COL27A1: variants seen among roughly 807,000 people sequenced by gnomAD.
The protein encoded by COL27A1 is collagen alpha-1(XXVII) chain.
Under a neutral mutation model 251.3 loss-of-function variants are expected in COL27A1, and 106 were observed. The observed-to-expected ratio is 0.42, with a 90% CI of 0.36 to 0.50. The LOEUF (loss-of-function observed/expected upper bound fraction) is 0.50, where lower values mean the gene tolerates loss of function less well. COL27A1 is among the 20% of genes least tolerant of loss of function. COL27A1 has a pLI of 0.00. For missense variants in COL27A1, 2,325 were observed against 2,522.8 expected, an observed-to-expected ratio of 0.92 and a Z score of 1.68; for synonymous variants, 1,000 against 986.3, an observed-to-expected ratio of 1.01 and a Z score of -0.26.
intron 14 of COL27A1, among the ~76,000 whole-genome samples, chr9:114,225,985 G>A (rs1831445316): frequency 6.6e-6 from 1 of 152,126 alleles, no homozygotes; most frequent in Admixed American, 6.5e-5. Context: ...CAATTCCAGT[G>A]AGCCACCGGT....
At chr9:114,241,024 T>G (rs922687768) in intron 21 of COL27A1, among the ~76,000 whole-genome samples, 1 of 152,102 alleles carries the variant, frequency 6.6e-6, no homozygotes, top group Non-Finnish European at 1.5e-5. Flanking sequence ...TTCCTGGGAG[T>G]GGCCTAGGGG....
intron 7 of COL27A1, among the ~76,000 whole-genome samples, chr9:114,197,667 G>A (rs1205220796): frequency 6.6e-6 from 1 of 152,172 alleles, no homozygotes; most frequent in African/African-American, 2.4e-5. Context: ...GCAGATGTCC[G>A]GGGAGGCCAA....
chr9:114,283,045 G>A (rs1273343071), intron 39 of COL27A1, among the ~76,000 whole-genome samples: 1 of 152,226 alleles, frequency 6.6e-6, no homozygotes, highest in Non-Finnish European at 1.5e-5. Context: ...ATACCTCCAG[G>A]AGATGAAGAC....
Position 114,306,538 on chromosome 9 carries a change from C to T in COL27A1, c.4957C>T (p.Arg1653Trp), listed in dbSNP as rs201056783. 3.3e-5 allele frequency: 54 copies of T among 1,614,006 alleles called. No individual in the cohort carries two copies. Among genetic ancestry groups the T allele is most frequent in the East Asian group, 2.0e-4 (9 of 44,870 alleles). ...GTGACAGAGTTACAGCTATCCAGAC[C>T]GGCTGGTGCTGGACCAGGGAGGAGA... ...LRPESYSYPD[R>W]LVLDQGGEIF... The change falls in exon 58 of 61, where the codon CGG becomes TGG. Residue 1653 changes from arginine (R) to tryptophan (W), a missense_variant. Physicochemically the swap from Arg to Trp is moderately radical, Grantham distance 101 (BLOSUM62 -3). This residue lies in a region of COL27A1 where 327 missense variants were observed against 442.8 expected (regional missense o/e 0.74). Transcript: ENST00000356083.
At position 114,169,073 on chromosome 9, in the gene COL27A1, G is replaced by T; in HGVS notation, c.1518G>T (p.Thr506=). 6.2e-7 allele frequency: 1 copy of T among 1,613,976 alleles called. No homozygotes were observed. The highest frequency in any genetic ancestry group is 1.6e-4 in the Middle Eastern group (1 of 6,062). ...CCAGGAGTACTCGGCCACCAGCCAC[G>T]ATGGTACCTCCAACTTCGGGCACCA... is the stretch of plus-strand genomic sequence containing the variant. ...GSTRSTRPPA[T]MVPPTSGTST... The change falls in exon 3 of 61, where the codon ACG becomes ACT. Residue 506 remains threonine, a synonymous_variant. Coordinates refer to ENST00000356083, the MANE Select transcript of COL27A1 (RefSeq NM_032888.4).
At chr9:114,190,270 A>G (rs999448429) in intron 5 of COL27A1, among the ~76,000 whole-genome samples, 4 of 152,166 alleles carry the variant, frequency 2.6e-5, no homozygotes, top group African/African-American at 9.7e-5. Flanking sequence ...CTCAATATTT[A>G]TTCATTTATT....
chr9:114,288,574 A>C, intron 42 of COL27A1, 63 bp downstream of exon 42: 1 of 1,558,694 alleles, frequency 6.4e-7, no homozygotes, highest in Non-Finnish European at 8.7e-7. Flanking sequence ...CTCCCGCTGC[A>C]TGGAGAGGGG....
At position 114,168,355 on chromosome 9, in the gene COL27A1, T is replaced by G; in HGVS notation, c.800T>G (p.Leu267Arg). Residue 267 changes from leucine to arginine, a missense_variant, in exon 3 of 61, where the codon CTA becomes CGA. By Grantham distance (102) the Leu-to-Arg change is moderately radical. Transcript: ENST00000356083. ...ACCTTCCAGTCCGACCTCGCCCTGC[T>G]AGGCCTGGAGAACTTGACCACTGCC... ...PFTFQSDLAL[L>R]GLENLTTATP... The G allele has an allele frequency of 6.2e-7, 1 of 1,613,278 alleles. No homozygotes were observed. The highest frequency in any genetic ancestry group is 8.5e-7 in the Non-Finnish European group (1 of 1,179,966).
At position 114,290,776 on chromosome 9, in the gene COL27A1, A is replaced by C. The variant is rs1827858250; in HGVS notation, c.4369-34A>C. 4.7e-6 allele frequency: 7 copies of C among 1,486,038 alleles called. No individual in the cohort carries two copies. Among genetic ancestry groups the C allele is most frequent in the South Asian group, 1.3e-5 (1 of 79,900 alleles). 92.1% of individuals were successfully genotyped at this position (1,486,038 alleles called of 1,614,324 possible). ...TGCTTCCTTGGCTGTATCGTGAAAC[A>C]CAAGAGACCCTCCTCTGCCTGCTTT... On this transcript the variant is annotated intron_variant, in intron 47 of 60. Coordinates refer to ENST00000356083, the MANE Select transcript of COL27A1 (RefSeq NM_032888.4). This position sits in a 1 kb window ranked among gnomAD's most constrained non-coding sequence, Gnocchi z 4.6.
intron 58 of COL27A1, chr9:114,307,078 C>T (rs1829104808): frequency 4.9e-6 from 1 of 204,570 alleles, no homozygotes; most frequent in Non-Finnish European, 9.9e-6. Context: ...GACCTGAGTT[C>T]CAATGTCAGT....
chr9:114,154,627 A>G (rs890866730), upstream of COL27A1, among the ~76,000 whole-genome samples: 7 of 152,130 alleles, frequency 4.6e-5, no homozygotes, highest in Non-Finnish European at 7.4e-5. This position sits in a 1 kb window ranked among gnomAD's most constrained non-coding sequence, Gnocchi z 5.8. Context: ...ATCCGTGTGC[A>G]TGCTTCTGCG....
intron 7 of COL27A1, among the ~76,000 whole-genome samples, chr9:114,199,669 C>A (rs996694174): frequency 1.3e-5 from 2 of 152,210 alleles, no homozygotes; most frequent in Non-Finnish European, 2.9e-5. Flanking sequence ...CACTTCCTGA[C>A]CATTTGGCCT....
intron 7 of COL27A1, among the ~76,000 whole-genome samples, chr9:114,204,819 G>T (rs866292299): frequency 1.1e-4 from 16 of 152,164 alleles, no homozygotes; most frequent in Admixed American, 9.2e-4. Flanking sequence ...CTTGGTCACA[G>T]TTGCTCTGTC....
At chr9:114,258,783 C>CCAACCCATTTCT (rs1834120631) in intron 28 of COL27A1, among the ~76,000 whole-genome samples, 189 bp downstream of exon 28, 1 of 152,230 alleles carries the variant, frequency 6.6e-6, no homozygotes, top group Non-Finnish European at 1.5e-5. Context: ...ACCCCTCTTT[C>CCAACCCATTTCT]CAACTCATTT....
intron 7 of COL27A1, among the ~76,000 whole-genome samples, chr9:114,200,621 G>A (rs1024624534): frequency 3.9e-5 from 6 of 152,248 alleles, no homozygotes; most frequent in African/African-American, 1.4e-4. Context: ...GATGGACTGT[G>A]CTTTTTGACT....
rs768655231 is a variant in COL27A1, at chr9:114,250,720, T to C, written c.3033+52T>C. The C allele has an allele frequency of 1.6e-5, 25 of 1,565,988 alleles. No homozygotes were observed. The South Asian group carries it at 2.7e-4, about 17-fold the overall frequency. ...AACAATTAGAGCTTGTGTTTTGAAA[T>C]TGTAAAAAGGTGAAGAGGCCCTTTG... On this transcript the variant is annotated intron_variant, in intron 25 of 60. Transcript: ENST00000356083.
intron 12 of COL27A1, chr9:114,217,766 C>T: frequency 2.1e-6 from 1 of 470,800 alleles, no homozygotes; most frequent in Non-Finnish European, 4.4e-6. Flanking sequence ...TCCTCTCCTA[C>T]CAGGTCCTTC....
In COL27A1 at chr9:114,282,307, G is replaced by A. The variant is rs779815260; in HGVS notation, c.3748G>A (p.Glu1250Lys). The A allele has an allele frequency of 2.9e-5, 46 of 1,613,898 alleles. No homozygotes were observed. The highest frequency in any genetic ancestry group is 1.6e-4 in the Middle Eastern group (1 of 6,084). The change falls in exon 38 of 61, where the codon GAG becomes AAG. Residue 1250 changes from glutamate (E) to lysine (K), a missense_variant. By Grantham distance (56) the Glu-to-Lys change is moderately conservative. This residue lies in a region of COL27A1 where 662 missense variants were observed against 795.3 expected (regional missense o/e 0.83). Coordinates refer to ENST00000356083, the MANE Select transcript of COL27A1 (RefSeq NM_032888.4). ...TGAAGGAAAATCAGGGAAGCAAGGC[G>A]AGAAGGGCCGCACTGGAGCCAAGGT... ...GPEGKSGKQG[E>K]KGRTGAKGAK... is the part of the protein sequence containing the mutation.
intron 26 of COL27A1, 68 bp downstream of exon 26, chr9:114,252,714 C>A: frequency 2.7e-6 from 4 of 1,482,326 alleles, no homozygotes; most frequent in Non-Finnish European, 3.8e-6. Flanking sequence ...CTGCTCTCCT[C>A]CATGAACCGC....
Sources: allele counts gnomAD v4.1 joint callset (sites outside exome capture counted in the v4.1 genomes callset), GRCh38; gene constraint gnomAD v4.1.1; regional missense constraint gnomAD v4.1.1; non-coding constraint Gnocchi (gnomAD v3.1); transcripts MANE v1.5; gene names NCBI Gene and HGNC (gene_info 2026-07-23, HGNC 2026-07-21).